Variants in MYF6 observed in about 807,000 individuals in gnomAD.
MYF6 encodes the protein myogenic factor 6.
Under a neutral mutation model 21.7 loss-of-function variants are expected in MYF6, and 20 were observed. That is an observed-to-expected ratio of 0.92 (90% confidence interval 0.65 to 1.34). The LOEUF (loss-of-function observed/expected upper bound fraction) is 1.34. Among genes scored for constraint, MYF6 ranks in the 40% most tolerant of loss-of-function variants. The probability of loss-of-function intolerance (pLI) is 0.00; values close to 1 mark genes in which losing one functional copy is unlikely to be tolerated. For synonymous variants in MYF6, 124 were observed against 124.7 expected (o/e 0.99, Z 0.04); for missense variants, 320 against 304.1 (o/e 1.05, Z -0.39).
chr12:80,708,276 G>T, intron 1 of MYF6, 38 bp downstream of exon 1: 1 of 1,593,376 alleles, frequency 6.3e-7, no homozygotes, highest in Non-Finnish European at 8.5e-7. Flanking sequence ...AAATGCGAAG[G>T]CTGATTAAAC....
rs1444035849 is a variant in MYF6 at position 80,708,543 on chromosome 12, T to C, written c.539T>C (p.Leu180Pro). 1 of 1,592,194 alleles carries C rather than the reference T, an allele frequency of 6.3e-7. No individual in the cohort carries two copies. The highest frequency in any genetic ancestry group is 8.6e-7 in the Non-Finnish European group (1 of 1,166,872). The stretch of plus-strand genomic sequence containing the variant: ...CTCCAGCTTGAGGGTGCGGATTTCC[T>C]GCGCACCTGCAGCTCCCAGTGGCCA... Reference protein sequence around the residue: ...KQENLEGADFLRTCSSQWPSV... With the variant: ...KQENLEGADFPRTCSSQWPSV... Residue 180 changes from leucine (L) to proline (P), a missense_variant, in exon 2 of 3, where the codon CTG (leucine) becomes CCG (proline). By Grantham distance (98) the Leu-to-Pro change is moderately conservative. Transcript: ENST00000228641.
At position 80,708,698 on chromosome 12, in the gene MYF6, G is replaced by T. The variant is rs939152570; in HGVS notation, c.610+84G>T. On this transcript the variant is annotated intron_variant, in intron 2 of 2. Coordinates refer to ENST00000228641, the MANE Select transcript of MYF6 (RefSeq NM_002469.3). Reference sequence around the variant, plus strand: ...TGGGCCGAGAGGGCTCGAAGCGAGAGCAGGGACGCGCCCTGCGAAAAGGGC... The same window carrying T: ...TGGGCCGAGAGGGCTCGAAGCGAGATCAGGGACGCGCCCTGCGAAAAGGGC... 12 of 1,531,600 alleles carry T rather than the reference G, an allele frequency of 7.8e-6. No individual in the cohort carries two copies. In the Admixed American group the frequency reaches 8.4e-5, roughly 11 times the overall value. The allele number at this position is 1,531,600 out of a possible 1,614,324, so 94.9% of individuals were successfully genotyped here. A position where few individuals can be genotyped will look rare whatever the true frequency, so the allele number is the denominator to read the frequency against.
chr12:80,708,557 T>TC lies in MYF6; in HGVS notation c.556dup (p.Gln186ProfsTer17), dbSNP rs755611272. On this transcript the variant is annotated frameshift_variant, in exon 2 of 3. Coordinates refer to ENST00000228641, the MANE Select transcript of MYF6 (RefSeq NM_002469.3). LOFTEE classifies it high-confidence loss of function. Reference sequence around the variant, plus strand: ...TGCGGATTTCCTGCGCACCTGCAGCTCCCAGTGGCCAAGTGTTTCCGATCA... The same window carrying TC: ...TGCGGATTTCCTGCGCACCTGCAGCTCCCCAGTGGCCAAGTGTTTCCGATCA... 1.9e-6 allele frequency: 3 copies of TC among 1,612,462 alleles called. No individual in the cohort carries two copies. In the Admixed American group the frequency reaches 5.0e-5, roughly 27 times the overall value.
In MYF6 at chr12:80,709,262, G is replaced by A. The variant is rs544800780; in HGVS notation, c.*302G>A. ...TTTATACTATATTAACTTTTATTAC[G>A]GTGATCCTTTTGTGCCATGTTCAAA... On this transcript the variant is annotated 3_prime_UTR_variant, in exon 3 of 3. Coordinates refer to ENST00000228641, the MANE Select transcript of MYF6 (RefSeq NM_002469.3). 56 of 305,300 alleles carry A rather than the reference G, an allele frequency of 1.8e-4. No homozygotes were observed. The South Asian group carries it at 2.3e-3, about 12-fold the overall frequency. 18.9% of individuals were successfully genotyped at this position (305,300 alleles called of 1,614,324 possible).
intron 1 of MYF6, 97 bp downstream of exon 1, chr12:80,708,335 C>G: frequency 6.7e-7 from 1 of 1,502,592 alleles, no homozygotes; most frequent in Non-Finnish European, 8.9e-7. Context: ...TTTTCCCTTC[C>G]CCCTTTCTCG....
In MYF6 at chr12:80,708,550, C is replaced by T. The variant is rs1436473157; in HGVS notation, c.546C>T (p.Thr182=). The change falls in exon 2 of 3, where the codon ACC becomes ACT. Residue 182 remains threonine, a synonymous_variant. Coordinates refer to ENST00000228641, the MANE Select transcript of MYF6 (RefSeq NM_002469.3). ...ENLEGADFLR[T]CSSQWPSVSD... ...TTGAGGGTGCGGATTTCCTGCGCAC[C>T]TGCAGCTCCCAGTGGCCAAGTGTTT... 1.2e-6 allele frequency: 2 copies of T among 1,614,172 alleles called. No individual in the cohort carries two copies. Among genetic ancestry groups the T allele is most frequent in the South Asian group, 1.1e-5 (1 of 91,076 alleles).
At position 80,708,248 on chromosome 12, in the gene MYF6, G is replaced by A. The variant is rs768363945; in HGVS notation, c.519+10G>A. On this transcript the variant is annotated intron_variant, in intron 1 of 2. Coordinates refer to ENST00000228641, the MANE Select transcript of MYF6 (RefSeq NM_002469.3). ...ACCCAAACAAGAAAATGTAAGCCTA[G>A]ATGCTGCCGGGGCAGGGAAATGCGA... The A allele has an allele frequency of 6.2e-7, 1 of 1,606,496 alleles. No homozygotes were observed. Among genetic ancestry groups the A allele is most frequent in the East Asian group, 2.2e-5 (1 of 44,814 alleles).
At position 80,709,395 on chromosome 12, in the gene MYF6, A is replaced by G. The variant is rs1868438068; in HGVS notation, c.*435A>G. ...TTCTTTTTTTACGTAAACCTGAAATATATTTTAAATGTGGAATGATGTATA... is the reference window on the plus strand; with the variant it reads ...TTCTTTTTTTACGTAAACCTGAAATGTATTTTAAATGTGGAATGATGTATA... On this transcript the variant is annotated 3_prime_UTR_variant, in exon 3 of 3. Coordinates refer to ENST00000228641, the MANE Select transcript of MYF6 (RefSeq NM_002469.3). The G allele has an allele frequency of 1.2e-5, 2 of 164,838 alleles. No homozygotes were observed. The highest frequency in any genetic ancestry group is 2.7e-5 in the Non-Finnish European group (2 of 75,018). 10.2% of individuals were successfully genotyped at this position (164,838 alleles called of 1,614,324 possible).
At chr12:80,708,751 T>C in intron 2 of MYF6, 91 bp from the exon 3 acceptor site, 1 of 1,530,048 alleles carries the variant, frequency 6.5e-7, no homozygotes, top group Non-Finnish European at 9.1e-7. Context: ...ACCAGGCCTT[T>C]CCTCGCTGCC....
Position 80,709,003 on chromosome 12 carries a change from C to A in MYF6, c.*43C>A. 1.4e-6 allele frequency: 2 copies of A among 1,452,562 alleles called. No individual in the cohort carries two copies. Among genetic ancestry groups the A allele is most frequent in the Non-Finnish European group, 1.9e-6 (2 of 1,033,260 alleles). The allele number at this position is 1,452,562 out of a possible 1,614,324, so 90.0% of individuals were successfully genotyped here. ...ACCTTCTCCACGCAGCAGGAAGATC[C>A]CACCGACCCTTCCTGGCCTAATCCT... On this transcript the variant is annotated 3_prime_UTR_variant, in exon 3 of 3. Transcript: ENST00000228641.
Position 80,708,201 on chromosome 12 carries a change from G to T in MYF6, c.482G>T (p.Gly161Val). The T allele has an allele frequency of 1.2e-6, 2 of 1,613,294 alleles. No individual in the cohort carries two copies. Among genetic ancestry groups the T allele is most frequent in the Non-Finnish European group, 1.7e-6 (2 of 1,179,708 alleles). Reference sequence around the variant, plus strand: ...CAGCAGGAGAAGATGCAGGAGCTGGGGGTGGACCCCTTCAGCTACAGACCC... The same window carrying T: ...CAGCAGGAGAAGATGCAGGAGCTGGTGGTGGACCCCTTCAGCTACAGACCC... ...LDQQEKMQEL[G>V]VDPFSYRPKQ... is the part of the protein sequence containing the mutation. The change falls in exon 1 of 3, where the codon GGG (glycine) becomes GTG (valine). Residue 161 changes from glycine to valine, a missense_variant. Physicochemically the swap from Gly to Val is moderately radical, Grantham distance 109. Coordinates refer to ENST00000228641, the MANE Select transcript of MYF6 (RefSeq NM_002469.3).
Position 80,707,645 on chromosome 12 carries a change from G to A in MYF6, c.-75G>A. ...ACTTATGTCACTGCACTAATTAAAT[G>A]CCATCTGGGTGGTTCCTCTGGGTTT... On this transcript the variant is annotated 5_prime_UTR_variant, in exon 1 of 3. It removes an upstream start codon present in the reference 5' UTR. Coordinates refer to ENST00000228641, the MANE Select transcript of MYF6 (RefSeq NM_002469.3). 6.4e-7 allele frequency: 1 copy of A among 1,557,536 alleles called. No homozygotes were observed. Among genetic ancestry groups the A allele is most frequent in the Non-Finnish European group, 8.8e-7 (1 of 1,130,176 alleles).
Position 80,708,066 on chromosome 12 carries a change from T to C in MYF6, c.347T>C (p.Leu116Pro), listed in dbSNP as rs200372502. 332 of 1,614,054 alleles carry C rather than the reference T, an allele frequency of 2.1e-4. No individual in the cohort carries two copies. The highest frequency in any genetic ancestry group is 2.9e-5 in the Non-Finnish European group (34 of 1,180,046). ...LKKINEAFEA[L>P]KRRTVANPNQ... Reference sequence around the variant, plus strand: ...AAAATCAACGAGGCCTTCGAGGCACTGAAGCGGCGAACTGTGGCCAACCCC... The same window carrying C: ...AAAATCAACGAGGCCTTCGAGGCACCGAAGCGGCGAACTGTGGCCAACCCC... Residue 116 changes from leucine to proline, a missense_variant, in exon 1 of 3, where the codon CTG (leucine) becomes CCG (proline). Coordinates refer to ENST00000228641, the MANE Select transcript of MYF6 (RefSeq NM_002469.3).
rs927635436 is a variant in MYF6, at chr12:80,708,430, G to C, written c.520-94G>C. The C allele has an allele frequency of 2.3e-5, 33 of 1,438,278 alleles. No individual in the cohort carries two copies. The Middle Eastern group carries it at 1.8e-3, about 79-fold the overall frequency. 89.1% of individuals were successfully genotyped at this position (1,438,278 alleles called of 1,614,324 possible). A position where few individuals can be genotyped will look rare whatever the true frequency, so the allele number is the denominator to read the frequency against. On this transcript the variant is annotated intron_variant, in intron 1 of 2. Transcript: ENST00000228641. ...GCAATAGGCAGGAAATGCGTACCCGGCCCGAGGAAGCAGGAAAGCCGCCCC... is the reference window on the plus strand; with the variant it reads ...GCAATAGGCAGGAAATGCGTACCCGCCCCGAGGAAGCAGGAAAGCCGCCCC...
At position 80,707,639 on chromosome 12, in the gene MYF6, T is replaced by A. The variant is rs982620346; in HGVS notation, c.-81T>A. ...GGGTCGACTTATGTCACTGCACTAATTAAATGCCATCTGGGTGGTTCCTCT... is the reference window on the plus strand; with the variant it reads ...GGGTCGACTTATGTCACTGCACTAAATAAATGCCATCTGGGTGGTTCCTCT... On this transcript the variant is annotated 5_prime_UTR_variant, in exon 1 of 3. Transcript: ENST00000228641. The A allele has an allele frequency of 2.6e-6, 4 of 1,542,960 alleles. No individual in the cohort carries two copies. Among genetic ancestry groups the A allele is most frequent in the African/African-American group, 2.7e-5 (2 of 73,212 alleles).
In MYF6 at chr12:80,707,666, G is replaced by C; in HGVS notation, c.-54G>C. The C allele has an allele frequency of 6.2e-7, 1 of 1,608,980 alleles. No individual in the cohort carries two copies. Among genetic ancestry groups the C allele is most frequent in the South Asian group, 1.1e-5 (1 of 90,830 alleles). ...AAATGCCATCTGGGTGGTTCCTCTG[G>C]GTTTTTGAGTCCATCACCCAGTTCA... On this transcript the variant is annotated 5_prime_UTR_variant, in exon 1 of 3. Coordinates refer to ENST00000228641, the MANE Select transcript of MYF6 (RefSeq NM_002469.3).
At chr12:80,708,260 G>A (rs1479391889) in intron 1 of MYF6, 22 bp downstream of exon 1, 1 of 1,601,030 alleles carries the variant, frequency 6.2e-7, no homozygotes, top group South Asian at 1.1e-5. Context: ...TGCTGCCGGG[G>A]CAGGGAAATG....
At position 80,709,070 on chromosome 12, in the gene MYF6, C is replaced by T; in HGVS notation, c.*110C>T. 3.4e-6 allele frequency: 3 copies of T among 894,662 alleles called. No individual in the cohort carries two copies. Among genetic ancestry groups the T allele is most frequent in the Non-Finnish European group, 5.4e-6 (3 of 556,514 alleles). The allele number at this position is 894,662 out of a possible 1,614,324, so 55.4% of individuals were successfully genotyped here. On this transcript the variant is annotated 3_prime_UTR_variant, in exon 3 of 3. Coordinates refer to ENST00000228641, the MANE Select transcript of MYF6 (RefSeq NM_002469.3). ...TACATTAACATTTAGGAACCCAGAC[C>T]GAAAAGTTGCTGAAAGGGAAGGAGA...
chr12:80,708,357 C>T (rs973643378), intron 1 of MYF6, 119 bp downstream of exon 1: 3 of 1,446,124 alleles, frequency 2.1e-6, no homozygotes, highest in Non-Finnish European at 2.8e-6. Context: ...CCGCCCCTCC[C>T]GCTCCGTCTC....
Sources: gnomAD v4.1 joint callset for allele counts on GRCh38, gnomAD v4.1.1 for gene constraint, MANE v1.5 for transcripts, NCBI Gene and HGNC (gene_info 2026-07-23, HGNC 2026-07-21) for gene names.